Variants in PCDH15 observed in about 807,000 individuals in gnomAD.
PCDH15 encodes the protein protocadherin-15.
In PCDH15, 129 loss-of-function variants were observed where a neutral mutation model predicts 178.5. The ratio of observed to expected loss-of-function variants is 0.72; its 90% CI spans 0.63 to 0.84. PCDH15 has a LOEUF of 0.84. Ranked by LOEUF, PCDH15 falls within the 40% of genes least tolerant of loss-of-function variation. The pLI is 0.00. For synonymous variants in PCDH15, 800 were observed against 732.0 expected (o/e 1.09, Z -1.50); for missense variants, 2,230 against 2,099.9 (o/e 1.06, Z -1.21).
intron 10 of PCDH15, among the ~76,000 whole-genome samples, chr10:54,198,926 T>C (rs892217328): frequency 2.0e-5 from 3 of 152,152 alleles, no homozygotes; most frequent in African/African-American, 7.2e-5. Context: ...AGCAAAATTG[T>C]ATAATAATGA....
At chr10:54,062,253 C>CAA (rs769054605) in intron 18 of PCDH15, among the ~76,000 whole-genome samples, 2 of 75,832 alleles carry the variant, frequency 2.6e-5, no homozygotes, top group African/African-American at 5.1e-5. Flanking sequence ...AAAAAAAAAA[C>CAA]AAAAAACAAC....
intron 1 of PCDH15, among the ~76,000 whole-genome samples, chr10:55,202,183 G>T (rs1331205657): frequency 6.6e-6 from 1 of 152,116 alleles, no homozygotes; most frequent in African/African-American, 2.4e-5. Context: ...ACCAGGGGCT[G>T]CTGTGGCTTC....
chr10:54,804,808 C>A (rs1952748120), upstream of PCDH15, among the ~76,000 whole-genome samples: 1 of 150,942 alleles, frequency 6.6e-6, no homozygotes, highest in Non-Finnish European at 1.5e-5. Flanking sequence ...TGTGTTCATG[C>A]CAGTTCATCT....
chr10:54,386,518 A>C (rs926521933), intron 3 of PCDH15, among the ~76,000 whole-genome samples: 3 of 152,032 alleles, frequency 2.0e-5, no homozygotes, highest in African/African-American at 7.2e-5. Flanking sequence ...TTAATCAGAG[A>C]ACCACCTGAA....
intron 2 of PCDH15, among the ~76,000 whole-genome samples, chr10:54,926,796 A>G (rs1837639430): frequency 6.6e-6 from 1 of 152,022 alleles, no homozygotes; most frequent in Admixed American, 6.6e-5. Context: ...GTCTCTGGTA[A>G]TATCCCATTG....
intron 2 of PCDH15, among the ~76,000 whole-genome samples, chr10:55,497,278 C>T (rs1840555225): frequency 1.3e-5 from 2 of 151,606 alleles, no homozygotes; most frequent in African/African-American, 2.4e-5. Context: ...TACAGGTGCA[C>T]ACCATGACGC....
chr10:54,235,627 T>C (rs549678172), intron 9 of PCDH15, among the ~76,000 whole-genome samples: 21 of 152,342 alleles, frequency 1.4e-4, no homozygotes, highest in African/African-American at 4.6e-4. Flanking sequence ...TCAAACTTTA[T>C]TTAGAGTGCC....
At chr10:54,163,120 G>C (rs1432901739) in intron 13 of PCDH15, among the ~76,000 whole-genome samples, 1 of 152,076 alleles carries the variant, frequency 6.6e-6, no homozygotes, top group Non-Finnish European at 1.5e-5. Context: ...ACTTCACCTA[G>C]AAGTAGAATA....
intron 8 of PCDH15, among the ~76,000 whole-genome samples, chr10:54,239,096 G>A (rs2054950472): frequency 6.6e-6 from 1 of 152,032 alleles, no homozygotes; most frequent in South Asian, 2.1e-4. Context: ...AAATAAAATT[G>A]AATCTTAGCT....
intron 2 of PCDH15, among the ~76,000 whole-genome samples, chr10:55,604,441 C>A (rs1382422138): frequency 6.6e-6 from 1 of 151,806 alleles, no homozygotes. Context: ...ACGGAATATA[C>A]ATTTTTTTCA....
chr10:55,216,707 A>T lies in PCDH15; in HGVS notation c.-155-50056T>A, dbSNP rs1403320665. On this transcript the variant is annotated intron_variant, in intron 1 of 5. Transcript: ENST00000458638. ...TATTAAAACATGTTGTACTCCATAA[A>T]TCTGTACAATTATTATGTGTCAATC... 3.3e-5 allele frequency among the ~76,000 whole-genome samples: 5 copies of T among 151,904 alleles called. No individual in the cohort carries two copies. The East Asian group carries it at 5.8e-4, about 18-fold the overall frequency.
In PCDH15 at chr10:54,034,254, C is replaced by G. The variant is rs111916669; in HGVS notation, c.2221-11057G>C. Among the ~76,000 whole-genome samples the G allele has an allele frequency of 4.5e-3, 683 of 151,954 alleles. 6 individuals are homozygous for G. The highest frequency in any genetic ancestry group is 0.02 in the Middle Eastern group (6 of 294). On this transcript the variant is annotated intron_variant, in intron 18 of 37. Coordinates refer to ENST00000644397, the MANE Select transcript of PCDH15 (RefSeq NM_001384140.1). ...ATTTCATTTGCTGAATATAAGCTCA[C>G]GTTTTTCCCAAACAATACCCATAAA...
intron 9 of PCDH15, among the ~76,000 whole-genome samples, chr10:54,214,683 C>G (rs1377890489): frequency 6.6e-6 from 1 of 152,164 alleles, no homozygotes; most frequent in Non-Finnish European, 1.5e-5. Flanking sequence ...CCTCTGCCTT[C>G]CCGGTTCAAG....
At chr10:54,284,731 G>A (rs2132810466) in intron 8 of PCDH15, among the ~76,000 whole-genome samples, 1 of 152,320 alleles carries the variant, frequency 6.6e-6, no homozygotes, top group African/African-American at 2.4e-5. Flanking sequence ...GTTATGCCAT[G>A]CATAGCAACC....
intron 6 of PCDH15, among the ~76,000 whole-genome samples, chr10:54,340,417 C>G (rs144712097): frequency 1.1e-3 from 168 of 152,186 alleles, no homozygotes; most frequent in African/African-American, 3.9e-3. Context: ...AAAAGTACAC[C>G]TCTAGTATGA....
At chr10:55,027,332 T>C (rs1014269151) in intron 2 of PCDH15, among the ~76,000 whole-genome samples, 4 of 151,452 alleles carry the variant, frequency 2.6e-5, no homozygotes, top group Non-Finnish European at 5.9e-5. Context: ...AGGGAGTAAA[T>C]GAGATCAAGA....
chr10:55,368,808 C>T (rs1845425890), intron 2 of PCDH15, among the ~76,000 whole-genome samples: 3 of 151,932 alleles, frequency 2.0e-5, no homozygotes. Flanking sequence ...TCACTGAATG[C>T]TTTACTGAAA....
intron 2 of PCDH15, among the ~76,000 whole-genome samples, chr10:55,459,721 A>T (rs950884546): frequency 6.6e-6 from 1 of 152,076 alleles, no homozygotes; most frequent in African/African-American, 2.4e-5. Flanking sequence ...TGACTGGCTA[A>T]GAGAGAGGAA....
chr10:54,285,301 G>GA (rs2058964852), intron 8 of PCDH15, among the ~76,000 whole-genome samples: 1 of 150,226 alleles, frequency 6.7e-6, no homozygotes, highest in South Asian at 2.1e-4. Flanking sequence ...CTAAGAACAG[G>GA]AAAAAATATT....
Sources: allele counts gnomAD v4.1 joint callset (sites outside exome capture counted in the v4.1 genomes callset), GRCh38; gene constraint gnomAD v4.1.1; transcripts MANE v1.5; gene names NCBI Gene and HGNC (gene_info 2026-07-23, HGNC 2026-07-21).